Variants in DAB1 observed in about 807,000 individuals in gnomAD.
DAB1 encodes the protein disabled homolog 1.
Under a neutral mutation model 64.6 loss-of-function variants are expected in DAB1, and 15 were observed. That is an observed-to-expected ratio of 0.23 (90% confidence interval 0.16 to 0.36). DAB1 has a LOEUF of 0.36. Ranked by LOEUF, DAB1 falls within the 10% of genes least tolerant of loss-of-function variation. The pLI is 1.00. For synonymous variants in DAB1, 235 were observed against 251.9 expected (o/e 0.93, Z 0.64); for missense variants, 596 against 706.7 (o/e 0.84, Z 1.78).
chr1:57,182,370 T>C (rs1569791548), intron 2 of DAB1, among the ~76,000 whole-genome samples: 2 of 152,218 alleles, frequency 1.3e-5, no homozygotes, highest in Non-Finnish European at 2.9e-5. Flanking sequence ...TAATGCTCCA[T>C]GTGCAGGTAA....
intron 5 of DAB1, among the ~76,000 whole-genome samples, chr1:57,905,738 C>G (rs1459591057): frequency 6.6e-6 from 1 of 151,898 alleles, no homozygotes; most frequent in African/African-American, 2.4e-5. Flanking sequence ...CTGGGGCTCA[C>G]TAACATACAG....
intron 5 of DAB1, among the ~76,000 whole-genome samples, chr1:58,012,079 G>C (rs972271723): frequency 2.0e-5 from 3 of 152,154 alleles, no homozygotes; most frequent in Non-Finnish European, 2.9e-5. Flanking sequence ...CTTGTATAGT[G>C]ACCATGAAAT....
chr1:58,112,970 T>C (rs1652066283), intron 5 of DAB1, among the ~76,000 whole-genome samples: 1 of 152,160 alleles, frequency 6.6e-6, no homozygotes, highest in Non-Finnish European at 1.5e-5. Flanking sequence ...ATGGATAGAA[T>C]GTTGACTGAA....
chr1:57,677,377 C>A (rs888637608), intron 6 of DAB1, among the ~76,000 whole-genome samples: 2 of 152,184 alleles, frequency 1.3e-5, no homozygotes, highest in Admixed American at 1.3e-4. Flanking sequence ...AGGCATCATC[C>A]CCTCTTTCAC....
At chr1:57,858,071 A>C (rs895951357) in intron 1 of DAB1, among the ~76,000 whole-genome samples, 1 of 152,150 alleles carries the variant, frequency 6.6e-6, no homozygotes, top group Non-Finnish European at 1.5e-5. Context: ...ACTTTTCAAA[A>C]ACCAGGCAGG....
At chr1:57,499,853 C>T (rs966517089) in intron 7 of DAB1, among the ~76,000 whole-genome samples, 1 of 152,174 alleles carries the variant, frequency 6.6e-6, no homozygotes, top group Non-Finnish European at 1.5e-5. Flanking sequence ...TTCACGTCCA[C>T]CTACTATACT....
chr1:57,072,065 A>T (rs1183851116), intron 5 of DAB1, among the ~76,000 whole-genome samples: 2 of 30,928 alleles, frequency 6.5e-5, no homozygotes, highest in Non-Finnish European at 1.4e-4. Context: ...CCCATTAGTT[A>T]AAAAAAAAAA....
intron 1 of DAB1, chr1:57,876,152 T>C (rs1420879045): frequency 6.6e-6 from 1 of 152,202 alleles, no homozygotes; most frequent in African/African-American, 2.4e-5. Flanking sequence ...GCTCAAGACC[T>C]TTAGGCTGAA....
chr1:58,361,771 GC>G (rs1644169291), intron 3 of DAB1, among the ~76,000 whole-genome samples: 1 of 151,222 alleles, frequency 6.6e-6, no homozygotes, highest in South Asian at 2.1e-4. Context: ...AGTCTTACCT[GC>G]CTTCTCTGCT....
chr1:58,174,580 G>T (rs1426429105), intron 4 of DAB1, among the ~76,000 whole-genome samples: 2 of 152,214 alleles, frequency 1.3e-5, no homozygotes, highest in African/African-American at 2.4e-5. Flanking sequence ...AGCAGTTGGG[G>T]TGTCCTGTTT....
chr1:57,752,181 G>A (rs1007904654), intron 6 of DAB1, among the ~76,000 whole-genome samples: 2 of 152,218 alleles, frequency 1.3e-5, no homozygotes, highest in African/African-American at 4.8e-5. Context: ...AACACTGTCA[G>A]TTTCAGACTT....
At chr1:57,472,644 C>T (rs907853330) in intron 7 of DAB1, among the ~76,000 whole-genome samples, 9 of 152,090 alleles carry the variant, frequency 5.9e-5, no homozygotes, top group South Asian at 2.1e-4. Context: ...CAATCGATCA[C>T]GACCCTCTCA....
intron 3 of DAB1, among the ~76,000 whole-genome samples, chr1:58,383,753 G>C (rs1335707498): frequency 6.6e-6 from 1 of 152,054 alleles, no homozygotes; most frequent in Non-Finnish European, 1.5e-5. Flanking sequence ...TCTACCTCTA[G>C]GTTAAAATTA....
intron 4 of DAB1, among the ~76,000 whole-genome samples, chr1:57,081,359 C>G (rs1158766074): frequency 6.6e-6 from 1 of 152,094 alleles, no homozygotes; most frequent in African/African-American, 2.4e-5. Context: ...GTTCAAGCAC[C>G]AACAGTAGTT....
intron 4 of DAB1, among the ~76,000 whole-genome samples, chr1:57,088,363 G>T (rs1653307354): frequency 6.6e-6 from 1 of 152,208 alleles, no homozygotes; most frequent in African/African-American, 2.4e-5. Flanking sequence ...GAGCCAGTGA[G>T]CCTGGCCCCA....
chr1:58,222,177 C>G (rs1659206925), intron 4 of DAB1, among the ~76,000 whole-genome samples: 1 of 152,102 alleles, frequency 6.6e-6, no homozygotes, highest in South Asian at 2.1e-4. Context: ...GATGGGTAAT[C>G]ACCTTTCTAT....
intron 5 of DAB1, among the ~76,000 whole-genome samples, chr1:58,121,126 T>C (rs957526072): frequency 1.3e-5 from 2 of 152,154 alleles, no homozygotes; most frequent in African/African-American, 2.4e-5. Context: ...TGATTTTTTT[T>C]CCCAGCTCAT....
intron 5 of DAB1, among the ~76,000 whole-genome samples, chr1:58,096,555 G>A (rs1650993960): frequency 6.6e-6 from 1 of 152,192 alleles, no homozygotes; most frequent in Non-Finnish European, 1.5e-5. Context: ...TTAAGACAAT[G>A]ATACTTTGTT....
chr1:57,040,324 C>G (rs150447439), intron 9 of DAB1, among the ~76,000 whole-genome samples: 202 of 152,212 alleles, frequency 1.3e-3, no homozygotes, highest in African/African-American at 4.5e-3. Flanking sequence ...ATATAGCGCT[C>G]TCTGTGCTGT....
Sources: allele counts gnomAD v4.1 joint callset (sites outside exome capture counted in the v4.1 genomes callset), GRCh38; gene constraint gnomAD v4.1.1; transcripts MANE v1.5; gene names NCBI Gene and HGNC (gene_info 2026-07-23, HGNC 2026-07-21).